The following HERPUD2 variants were observed in gnomAD, a reference collection of about 807,000 sequenced individuals.
The protein encoded by HERPUD2 is HERPUD family member 2.
Under a neutral mutation model 49.9 loss-of-function variants are expected in HERPUD2, and 13 were observed. That is an observed-to-expected ratio of 0.26 (90% CI 0.17 to 0.41). The LOEUF (loss-of-function observed/expected upper bound fraction) is 0.41. Among genes scored for constraint, HERPUD2 ranks in the 10% least tolerant of loss-of-function variants. The pLI is 1.00. For missense variants in HERPUD2, 449 were observed against 492.2 expected, an observed-to-expected ratio of 0.91 and a Z score of 0.83; for synonymous variants, 172 against 171.4, an observed-to-expected ratio of 1.00 and a Z score of -0.03.
At position 35,670,385 on chromosome 7, in the gene HERPUD2, A is replaced by C. The variant is rs1179160718; in HGVS notation, c.226-57T>G. 7.9e-6 allele frequency: 6 copies of C among 755,282 alleles called. No individual in the cohort carries two copies. The African/African-American group carries it at 9.0e-5, about 11-fold the overall frequency. The allele number at this position is 755,282 out of a possible 1,614,324, so 46.8% of individuals were successfully genotyped here. On this transcript the variant is annotated intron_variant, in intron 3 of 8. Transcript: ENST00000311350. ...AGTACTACAAAATGTACAGTTCAAA[A>C]AGTCAGTAGCTAAACTGAAATACCT...
At chr7:35,663,420 G>A (rs771232507) in intron 5 of HERPUD2, among the ~76,000 whole-genome samples, 1 of 152,166 alleles carries the variant, frequency 6.6e-6, no homozygotes. Context: ...TATTAGGTCT[G>A]CTTGGTGCAG....
intron 2 of HERPUD2, among the ~76,000 whole-genome samples, chr7:35,686,291 C>A (rs1786040874): frequency 1.0e-4 from 2 of 19,784 alleles, no homozygotes; most frequent in Non-Finnish European, 1.7e-4. Context: ...CAGGTTCATG[C>A]CATTCTCCTG....
intron 5 of HERPUD2, among the ~76,000 whole-genome samples, chr7:35,654,148 T>C (rs1785225906): frequency 1.3e-5 from 2 of 150,846 alleles, no homozygotes; most frequent in African/African-American, 4.9e-5. Flanking sequence ...AATCCAAAAA[T>C]ACACCCCCAA....
Position 35,635,403 on chromosome 7 carries a change from T to C in HERPUD2, c.673A>G (p.Thr225Ala). 6.2e-7 allele frequency: 1 copy of C among 1,614,082 alleles called. No individual in the cohort carries two copies. Among genetic ancestry groups the C allele is most frequent in the Non-Finnish European group, 8.5e-7 (1 of 1,180,004 alleles). ...TGTGCCAAATTTAGAGGCTGTGAAGTAGTAGGCTGGGTTGGGTTGACATTT... is the reference window on the plus strand; with the variant it reads ...TGTGCCAAATTTAGAGGCTGTGAAGCAGTAGGCTGGGTTGGGTTGACATTT... The part of the protein sequence containing the change: ...TSNVNPTQPT[T>A]SQPLNLAHVP... Residue 225 changes from threonine (T) to alanine (A), a missense_variant, in exon 7 of 9, where the codon ACT (threonine) becomes GCT (alanine). Coordinates refer to ENST00000311350, the MANE Select transcript of HERPUD2 (RefSeq NM_022373.5).
intron 5 of HERPUD2, among the ~76,000 whole-genome samples, chr7:35,641,645 T>G (rs893567865): frequency 6.6e-6 from 1 of 151,958 alleles, no homozygotes; most frequent in Non-Finnish European, 1.5e-5. Flanking sequence ...TGGAACAAAA[T>G]AGCCCGGAAA....
chr7:35,637,058 G>A (rs538737936), intron 6 of HERPUD2, among the ~76,000 whole-genome samples: 37 of 152,050 alleles, frequency 2.4e-4, no homozygotes, highest in Non-Finnish European at 4.7e-4. Flanking sequence ...GCTTGAACCC[G>A]GGAGGCGGAG....
chr7:35,635,786 C>T (rs1292140732), intron 6 of HERPUD2, among the ~76,000 whole-genome samples: 1 of 152,182 alleles, frequency 6.6e-6, no homozygotes, highest in Non-Finnish European at 1.5e-5. Context: ...CAAACCTTTT[C>T]ATGAATGCCC....
At chr7:35,658,957 T>C (rs143033543) in intron 5 of HERPUD2, among the ~76,000 whole-genome samples, 8 of 152,306 alleles carry the variant, frequency 5.3e-5, no homozygotes, top group African/African-American at 1.9e-4. Flanking sequence ...CTGAACACCA[T>C]CTCAAAACTA....
chr7:35,670,208 A>T lies in HERPUD2; in HGVS notation c.339+7T>A, dbSNP rs776380811. On this transcript the variant is annotated splice_region_variant and intron_variant, in intron 4 of 8. Transcript: ENST00000311350. ...GTTCAATGTTTACTCCTCCCAAAAC[A>T]ACTCACAGAATTGCTGCTGGATGCC... The T allele has an allele frequency of 1.4e-6, 2 of 1,448,902 alleles. No homozygotes were observed. The highest frequency in any genetic ancestry group is 1.9e-6 in the Non-Finnish European group (2 of 1,056,114). 89.8% of individuals were successfully genotyped at this position (1,448,902 alleles called of 1,614,324 possible).
At chr7:35,643,827 A>G (rs1785005844) in intron 5 of HERPUD2, among the ~76,000 whole-genome samples, 2 of 151,510 alleles carry the variant, frequency 1.3e-5, no homozygotes, top group Admixed American at 6.6e-5. Flanking sequence ...AAAAAATAGA[A>G]AGCTGTTAAA....
At chr7:35,654,347 G>T (rs1316804294) in intron 5 of HERPUD2, among the ~76,000 whole-genome samples, 1 of 151,524 alleles carries the variant, frequency 6.6e-6, no homozygotes, top group Non-Finnish European at 1.5e-5. Context: ...AATAAAGTCA[G>T]ATATGAAAAA....
chr7:35,691,453 G>A (rs1052066267), intron 2 of HERPUD2, among the ~76,000 whole-genome samples: 2 of 152,070 alleles, frequency 1.3e-5, no homozygotes, highest in African/African-American at 4.8e-5. Flanking sequence ...ACTGCCCACA[G>A]GAACAAAGTC....
Position 35,655,230 on chromosome 7 carries a change from C to T in HERPUD2, c.494+12204G>A, listed in dbSNP as rs139877717. ...AAACATTGAAGAGGAGGGAATTCTA[C>T]AAGGCATTAACCTGATACTAAAACC... is the stretch of plus-strand genomic sequence containing the variant. On this transcript the variant is annotated intron_variant, in intron 5 of 8. Coordinates refer to ENST00000311350, the MANE Select transcript of HERPUD2 (RefSeq NM_022373.5). 6.7e-3 allele frequency among the ~76,000 whole-genome samples: 1,017 copies of T among 152,220 alleles called. 11 individuals are homozygous for T. Among genetic ancestry groups the T allele is most frequent in the African/African-American group, 0.023 (967 of 41,536 alleles).
At chr7:35,654,368 C>T (rs915473050) in intron 5 of HERPUD2, among the ~76,000 whole-genome samples, 4 of 151,616 alleles carry the variant, frequency 2.6e-5, no homozygotes, top group African/African-American at 7.3e-5. Context: ...GGAAACCTTA[C>T]AACTGATACC....
intron 2 of HERPUD2, among the ~76,000 whole-genome samples, 153 bp downstream of exon 2, chr7:35,694,031 C>T (rs1051478966): frequency 2.0e-5 from 3 of 152,118 alleles, no homozygotes; most frequent in African/African-American, 7.2e-5. Flanking sequence ...TTCGAACACT[C>T]AGGAGACACA....
At chr7:35,694,066 G>A (rs1006535570) in intron 2 of HERPUD2, 118 bp downstream of exon 2, 4 of 982,988 alleles carry the variant, frequency 4.1e-6, no homozygotes, top group Non-Finnish European at 6.3e-6. Context: ...AATACCTCGC[G>A]GTCTACCAAA....
At chr7:35,634,032 A>G (rs1052047388) in intron 8 of HERPUD2, among the ~76,000 whole-genome samples, 181 bp from the exon 9 acceptor site, 26 of 152,220 alleles carry the variant, frequency 1.7e-4, no homozygotes, top group African/African-American at 4.6e-4. Context: ...ACAACTGCCA[A>G]TGCAATACAA....
intron 5 of HERPUD2, among the ~76,000 whole-genome samples, chr7:35,666,956 C>T (rs1785549517): frequency 1.3e-5 from 2 of 152,190 alleles, no homozygotes; most frequent in Non-Finnish European, 2.9e-5. Flanking sequence ...CTTTTAAAAA[C>T]AGATTGCTGG....
intron 5 of HERPUD2, among the ~76,000 whole-genome samples, chr7:35,655,783 A>G (rs1361230127): frequency 6.6e-6 from 1 of 152,168 alleles, no homozygotes; most frequent in Non-Finnish European, 1.5e-5. Flanking sequence ...CCACCAATAA[A>G]CTTTTAGATT....
Sources: gnomAD v4.1 joint callset for allele counts (sites outside exome capture counted in the v4.1 genomes callset) on GRCh38, gnomAD v4.1.1 for gene constraint, MANE v1.5 for transcripts, NCBI Gene and HGNC (gene_info 2026-07-23, HGNC 2026-07-21) for gene names.